TAS2R1: variants seen among roughly 807,000 people sequenced by gnomAD.
The protein encoded by TAS2R1 is taste 2 receptor member 1.
For missense variants in TAS2R1, 370 were observed against 353.4 expected (o/e 1.05, Z -0.38); for synonymous variants, 141 against 134.2 (o/e 1.05, Z -0.35).
chr5:9,671,760 A>G (rs559429446), intron 1 of TAS2R1, among the ~76,000 whole-genome samples: 5 of 152,090 alleles, frequency 3.3e-5, no homozygotes, highest in Admixed American at 1.3e-4. Flanking sequence ...AACTACCAGC[A>G]TCATTCTTCA....
At chr5:9,807,158 A>C in the TAS2R1 span, among the ~76,000 whole-genome samples, 1 of 152,168 alleles carries the variant, frequency 6.6e-6, no homozygotes, top group Middle Eastern at 3.4e-3. Flanking sequence ...AAAATACCGA[A>C]CGTCACTAAT....
the TAS2R1 span, among the ~76,000 whole-genome samples, chr5:9,789,650 C>CTTAGT: frequency 6.6e-6 from 1 of 152,226 alleles, no homozygotes; most frequent in Non-Finnish European, 1.5e-5. Flanking sequence ...CCAGTCTCTC[C>CTTAGT]TTAGTTTAAA....
the TAS2R1 span, among the ~76,000 whole-genome samples, chr5:9,850,618 G>A: frequency 5.3e-5 from 8 of 152,198 alleles, no homozygotes; most frequent in African/African-American, 1.2e-4. Context: ...GCTGGGCTCT[G>A]CAGGCTGTGC....
chr5:9,810,627 T>A, the TAS2R1 span, among the ~76,000 whole-genome samples: 2 of 152,048 alleles, frequency 1.3e-5, no homozygotes, highest in African/African-American at 4.8e-5. Flanking sequence ...TAGAGGGATA[T>A]GGAAGCAATG....
chr5:9,890,447 C>G, the TAS2R1 span, among the ~76,000 whole-genome samples: 1 of 152,162 alleles, frequency 6.6e-6, no homozygotes, highest in Admixed American at 6.5e-5. Flanking sequence ...GGTCCCCTAT[C>G]TGTTCTCACT....
At chr5:9,686,154 C>A (rs151153080) in intron 1 of TAS2R1, among the ~76,000 whole-genome samples, 1 of 152,134 alleles carries the variant, frequency 6.6e-6, no homozygotes, top group Non-Finnish European at 1.5e-5. Flanking sequence ...CGTGTGCCAC[C>A]GCGCCTGACC....
chr5:9,840,133 C>T, the TAS2R1 span, among the ~76,000 whole-genome samples: 1 of 152,144 alleles, frequency 6.6e-6, no homozygotes. Flanking sequence ...ATTTTGCCAC[C>T]TATGTCATTG....
At chr5:9,775,629 G>GCT in the TAS2R1 span, among the ~76,000 whole-genome samples, 440 of 151,874 alleles carry the variant, frequency 2.9e-3, 2 homozygotes, top group African/African-American at 0.01. Flanking sequence ...GGGCTCAAGG[G>GCT]CTCTCTCTCT....
At chr5:9,868,830 G>C in the TAS2R1 span, among the ~76,000 whole-genome samples, 1 of 152,088 alleles carries the variant, frequency 6.6e-6, no homozygotes, top group African/African-American at 2.4e-5. Context: ...ATCTCTCTCA[G>C]GTTCGAAGTT....
chr5:9,833,124 C>T, the TAS2R1 span, among the ~76,000 whole-genome samples: 1 of 152,206 alleles, frequency 6.6e-6, no homozygotes, highest in African/African-American at 2.4e-5. Flanking sequence ...AGTGAATCTG[C>T]ATTTATCACA....
chr5:9,901,933 C>T, the TAS2R1 span, among the ~76,000 whole-genome samples: 106 of 152,242 alleles, frequency 7.0e-4, no homozygotes, highest in African/African-American at 2.4e-3. Flanking sequence ...CATCCTCCCA[C>T]GTCCAGCCTA....
the TAS2R1 span, among the ~76,000 whole-genome samples, chr5:9,810,424 C>T: frequency 1.3e-5 from 2 of 152,122 alleles, no homozygotes; most frequent in African/African-American, 4.8e-5. Flanking sequence ...CTGTATGAGA[C>T]AGATTAAAGA....
At chr5:9,852,983 G>C in the TAS2R1 span, among the ~76,000 whole-genome samples, 1 of 152,184 alleles carries the variant, frequency 6.6e-6, no homozygotes, top group Non-Finnish European at 1.5e-5. Context: ...TTTTGGCACT[G>C]GAAAACAGAT....
At chr5:9,693,524 CAAAAA>C (rs35262775) in intron 1 of TAS2R1, among the ~76,000 whole-genome samples, 2,445 of 32,794 alleles carry the variant, frequency 0.075, 14 homozygotes, top group African/African-American at 0.12. Context: ...AACTCCATCT[CAAAAA>C]AAAAAAAAAA....
chr5:9,872,276 T>A, the TAS2R1 span, among the ~76,000 whole-genome samples: 1 of 152,216 alleles, frequency 6.6e-6, no homozygotes, highest in African/African-American at 2.4e-5. Flanking sequence ...CACACCCAGC[T>A]ATTTAACTTT....
chr5:9,856,011 T>A, the TAS2R1 span, among the ~76,000 whole-genome samples: 1 of 152,154 alleles, frequency 6.6e-6, no homozygotes, highest in African/African-American at 2.4e-5. Context: ...GAAAAGATTA[T>A]GCCTTTGAAT....
chr5:9,830,507 T>A, the TAS2R1 span, among the ~76,000 whole-genome samples: 2 of 151,708 alleles, frequency 1.3e-5, no homozygotes, highest in East Asian at 3.9e-4. Flanking sequence ...TGTAGATGAC[T>A]GACAATAGAA....
At chr5:9,800,910 G>A in the TAS2R1 span, among the ~76,000 whole-genome samples, 18 of 152,172 alleles carry the variant, frequency 1.2e-4, no homozygotes, top group Non-Finnish European at 2.4e-4. Context: ...AAAAAGAAGA[G>A]GCTGGGCATG....
At chr5:9,719,270 A>G in the TAS2R1 span, among the ~76,000 whole-genome samples, 1 of 152,246 alleles carries the variant, frequency 6.6e-6, no homozygotes, top group Non-Finnish European at 1.5e-5. Flanking sequence ...AGAAAGAGAG[A>G]GAGATTGAGA....
Sources: allele counts gnomAD v4.1 joint callset (sites outside exome capture counted in the v4.1 genomes callset), GRCh38; gene constraint gnomAD v4.1.1; transcripts MANE v1.5; gene names NCBI Gene and HGNC (gene_info 2026-07-23, HGNC 2026-07-21).